Variants in CLDN14 observed in about 807,000 individuals in gnomAD.
CLDN14 encodes claudin-14.
Under a neutral mutation model 2.1 loss-of-function variants are expected in CLDN14, and 2 were observed. The ratio of observed to expected loss-of-function variants is 0.96; its 90% CI spans 0.39 to 3.01. The LOEUF (loss-of-function observed/expected upper bound fraction) is 3.01. CLDN14 is among the 30% of genes most tolerant of loss of function. The probability of loss-of-function intolerance (pLI) is 0.09; values close to 1 mark genes in which losing one functional copy is unlikely to be tolerated. For missense variants in CLDN14, 298 were observed against 328.0 expected (o/e 0.91, Z 0.71); for synonymous variants, 136 against 154.4 (o/e 0.88, Z 0.88).
At chr21:36,482,066 C>T (rs2845768), upstream of CLDN14, among the ~76,000 whole-genome samples, 47,162 of 152,058 alleles carry the variant, frequency 0.31, 8,405 homozygotes, top group African/African-American at 0.5. Context: ...CTTCCATCAA[C>T]GTCTGCCCTT....
At chr21:36,494,177 C>G (rs1007718877) in intron 2 of CLDN14, among the ~76,000 whole-genome samples, 2 of 152,194 alleles carry the variant, frequency 1.3e-5, no homozygotes, top group Non-Finnish European at 2.9e-5. Flanking sequence ...CATCTTCTCT[C>G]CCAGCGGGGG....
intron 1 of CLDN14, among the ~76,000 whole-genome samples, chr21:36,562,366 A>C (rs1002689887): frequency 1.3e-5 from 2 of 152,192 alleles, no homozygotes; most frequent in African/African-American, 4.8e-5. Flanking sequence ...AGAGATGGGC[A>C]CCAAGAGGAA....
chr21:36,562,828 C>T (rs1279326084), intron 1 of CLDN14, among the ~76,000 whole-genome samples: 3 of 152,078 alleles, frequency 2.0e-5, no homozygotes, highest in African/African-American at 7.3e-5. Flanking sequence ...GGTGAGCCCA[C>T]TGGCCTGGGA....
Position 36,501,964 on chromosome 21 carries a change from C to T in CLDN14, c.-82+8399G>A, listed in dbSNP as rs532246730. ...AATCAAATCCAAGGAACCCAAAAGG[C>T]GTTAAGCTATTGTTTAAACATAGAC... On this transcript the variant is annotated intron_variant, in intron 2 of 2. Transcript: ENST00000342108. 2.7e-5 allele frequency among the ~76,000 whole-genome samples: 4 copies of T among 150,920 alleles called. No homozygotes were observed. In the East Asian group the frequency reaches 5.8e-4, roughly 22 times the overall value.
chr21:36,523,791 GAAAGAA>G lies in CLDN14; in HGVS notation c.-219-13297_-219-13292del, dbSNP rs1163107578. Among the ~76,000 whole-genome samples the G allele has an allele frequency of 9.3e-3, 776 of 83,416 alleles. 114 individuals carry two copies. The highest frequency in any genetic ancestry group is 0.013 in the Non-Finnish European group (554 of 42,690). The allele number at this position is 83,416 out of a possible 152,430, so 54.7% of individuals were successfully genotyped here. On this transcript the variant is annotated intron_variant, in intron 1 of 2. Transcript: ENST00000342108. ...AGAAAGAGAGAAAGAGAGAAAGAAA[GAAAGAA>G]AGAAAGAAAGAAAGAAAGAAAGAAA...
intron 1 of CLDN14, among the ~76,000 whole-genome samples, chr21:36,519,390 A>G (rs1021442067): frequency 1.3e-5 from 2 of 152,222 alleles, no homozygotes; most frequent in Admixed American, 1.3e-4. Flanking sequence ...AGACTGGCCA[A>G]CATGGTGAAA....
chr21:36,533,611 C>T (rs949008435), intron 1 of CLDN14, among the ~76,000 whole-genome samples: 6 of 152,088 alleles, frequency 3.9e-5, no homozygotes, highest in African/African-American at 1.2e-4. Flanking sequence ...AGGGTGGCAA[C>T]GTCACCATGG....
intron 1 of CLDN14, among the ~76,000 whole-genome samples, chr21:36,548,800 G>A (rs1568877985): frequency 6.6e-6 from 1 of 152,164 alleles, no homozygotes; most frequent in South Asian, 2.1e-4. Context: ...GTGATCTGGG[G>A]AGAATGAGGA....
intron 1 of CLDN14, among the ~76,000 whole-genome samples, chr21:36,558,219 G>A (rs1218448847): frequency 6.6e-6 from 1 of 152,152 alleles, no homozygotes; most frequent in African/African-American, 2.4e-5. Flanking sequence ...ATTAGAACAT[G>A]TGATGCCTCC....
At chr21:36,481,226 A>AC (rs148023392), upstream of CLDN14, among the ~76,000 whole-genome samples, 167 of 152,274 alleles carry the variant, frequency 1.1e-3, 1 homozygote, top group Admixed American at 1.7e-3. Flanking sequence ...AACGAAATAG[A>AC]CCTTTTCGTT....
chr21:36,475,057 A>T (rs2086759848), intron 1 of CLDN14, among the ~76,000 whole-genome samples: 1 of 152,158 alleles, frequency 6.6e-6, no homozygotes, highest in African/African-American at 2.4e-5. Context: ...GGCCTGGACC[A>T]AGTCAAGGGG....
At chr21:36,463,174 C>A (rs1437464948) in intron 1 of CLDN14, among the ~76,000 whole-genome samples, 1 of 152,200 alleles carries the variant, frequency 6.6e-6, no homozygotes, top group Non-Finnish European at 1.5e-5. Context: ...ATTAGGAGGT[C>A]CCAGCCCTGG....
At chr21:36,560,951 A>G (rs1412646971) in intron 1 of CLDN14, among the ~76,000 whole-genome samples, 3 of 152,246 alleles carry the variant, frequency 2.0e-5, no homozygotes, top group Admixed American at 1.3e-4. Flanking sequence ...ATACTTTCAT[A>G]AAATCCAAGA....
chr21:36,571,995 C>G (rs1205225484), intron 1 of CLDN14, among the ~76,000 whole-genome samples: 1 of 152,176 alleles, frequency 6.6e-6, no homozygotes, highest in Non-Finnish European at 1.5e-5. Context: ...CTTAAGGACT[C>G]CCTCCCCACT....
intron 1 of CLDN14, among the ~76,000 whole-genome samples, chr21:36,554,444 T>C (rs972663885): frequency 6.6e-6 from 1 of 152,166 alleles, no homozygotes; most frequent in South Asian, 2.1e-4. Flanking sequence ...GGCAGGTGCG[T>C]AACAGCCATC....
intron 1 of CLDN14, among the ~76,000 whole-genome samples, chr21:36,552,780 T>C (rs2087571795): frequency 6.6e-6 from 1 of 152,180 alleles, no homozygotes; most frequent in Middle Eastern, 3.2e-3. Flanking sequence ...TGTCAGGCCA[T>C]TCTCAGAACA....
At chr21:36,533,105 C>T (rs376442132) in intron 1 of CLDN14, among the ~76,000 whole-genome samples, 1 of 152,110 alleles carries the variant, frequency 6.6e-6, no homozygotes, top group Non-Finnish European at 1.5e-5. Context: ...AGCGTAGCCA[C>T]GAACTACACA....
intron 1 of CLDN14, among the ~76,000 whole-genome samples, chr21:36,555,153 G>A (rs2087589710): frequency 6.6e-6 from 1 of 152,224 alleles, no homozygotes; most frequent in Non-Finnish European, 1.5e-5. Flanking sequence ...CTTTGAAGAG[G>A]CTTGCTGTTC....
intron 1 of CLDN14, among the ~76,000 whole-genome samples, chr21:36,537,059 G>A (rs1024707801): frequency 5.9e-5 from 9 of 152,146 alleles, no homozygotes; most frequent in African/African-American, 1.2e-4. Flanking sequence ...GTGTGGTGGC[G>A]CATGCCTGTA....
Sources: allele counts gnomAD v4.1 joint callset (sites outside exome capture counted in the v4.1 genomes callset), GRCh38; gene constraint gnomAD v4.1.1; transcripts MANE v1.5; gene names NCBI Gene and HGNC (gene_info 2026-07-23, HGNC 2026-07-21).